Variants in SLC4A5 observed in about 807,000 individuals in gnomAD.
SLC4A5 encodes the protein solute carrier family 4 member 5, also known as electrogenic sodium bicarbonate cotransporter 4.
In SLC4A5, 96 loss-of-function variants were observed where a neutral mutation model predicts 120.4. The ratio of observed to expected loss-of-function variants is 0.80; its 90% CI spans 0.68 to 0.94. The LOEUF is 0.94. Ranked by LOEUF, SLC4A5 falls within the 40% of genes least tolerant of loss-of-function variation. The pLI, the probability that SLC4A5 is intolerant of heterozygous loss-of-function variation, is 0.00. For synonymous variants in SLC4A5, 550 were observed against 571.1 expected (o/e 0.96, Z 0.53); for missense variants, 1,259 against 1,459.5 (o/e 0.86, Z 2.24).
chr2:74,341,365 C>T (rs1673621160), intron 2 of SLC4A5, among the ~76,000 whole-genome samples: 1 of 151,340 alleles, frequency 6.6e-6, no homozygotes, highest in African/African-American at 2.4e-5. Flanking sequence ...AATCAAGCTG[C>T]TTTCTGATTT....
At chr2:74,232,861 G>C (rs1297528944) in intron 23 of SLC4A5, among the ~76,000 whole-genome samples, 1 of 152,192 alleles carries the variant, frequency 6.6e-6, no homozygotes, top group Non-Finnish European at 1.5e-5. Context: ...ATAGAAGAGA[G>C]GGATGTTCAA....
intron 8 of SLC4A5, among the ~76,000 whole-genome samples, chr2:74,273,709 A>G (rs1671545742): frequency 6.6e-6 from 1 of 152,254 alleles, no homozygotes; most frequent in African/African-American, 2.4e-5. Flanking sequence ...TCATATCAGG[A>G]TACTGAATTT....
At chr2:74,294,636 G>A (rs1385154083) in intron 7 of SLC4A5, among the ~76,000 whole-genome samples, 1 of 151,882 alleles carries the variant, frequency 6.6e-6, no homozygotes. Context: ...CAGTGGGGAC[G>A]GAGAAAGGAG....
chr2:74,235,088 G>C lies in SLC4A5; in HGVS notation c.2433+13C>G, dbSNP rs747731683. 5.6e-6 allele frequency: 9 copies of C among 1,607,522 alleles called. No homozygotes were observed. The highest frequency in any genetic ancestry group is 6.8e-6 in the Non-Finnish European group (8 of 1,174,284). ...GGCAGACTGGATGCCCAGAGCGAGG[G>C]AAAGGGGCAAACCTTGATGACACTG... On this transcript the variant is annotated intron_variant, in intron 22 of 30. Transcript: ENST00000394019.
chr2:74,277,815 T>C (rs1289564616), intron 8 of SLC4A5, among the ~76,000 whole-genome samples: 1 of 152,154 alleles, frequency 6.6e-6, no homozygotes, highest in Non-Finnish European at 1.5e-5. Flanking sequence ...TTAGGAAATA[T>C]AACGGCATTG....
chr2:74,304,542 G>C (rs756824701), exon 7 of SLC4A5: 1 of 1,614,110 alleles, frequency 6.2e-7, no homozygotes, highest in Admixed American at 1.7e-5. Flanking sequence ...CCCACTCCCT[G>C]GGCCAGTCAG....
At chr2:74,336,333 T>C (rs1673491446) in intron 3 of SLC4A5, among the ~76,000 whole-genome samples, 1 of 152,168 alleles carries the variant, frequency 6.6e-6, no homozygotes, top group South Asian at 2.1e-4. Context: ...CCTCCCAAAG[T>C]GCTGGGATTA....
chr2:74,289,008 T>TC (rs1672075278), intron 7 of SLC4A5, among the ~76,000 whole-genome samples: 1 of 152,216 alleles, frequency 6.6e-6, no homozygotes, highest in Non-Finnish European at 1.5e-5. Context: ...TCTCCTTTTT[T>TC]CCCCACCCAT....
chr2:74,282,022 T>C (rs960650512), intron 8 of SLC4A5, among the ~76,000 whole-genome samples: 4 of 152,220 alleles, frequency 2.6e-5, no homozygotes, highest in East Asian at 1.9e-4. Context: ...CTGAGATCTC[T>C]AGCTTCCCTG....
intron 20 of SLC4A5, among the ~76,000 whole-genome samples, chr2:74,241,466 C>A (rs1187126403): frequency 6.6e-6 from 1 of 151,716 alleles, no homozygotes; most frequent in Non-Finnish European, 1.5e-5. Flanking sequence ...GGGGGCCAGG[C>A]GCGGTGGCTC....
chr2:74,227,755 C>A (rs542342298), intron 26 of SLC4A5, 55 bp downstream of exon 26: 3 of 1,480,130 alleles, frequency 2.0e-6, no homozygotes, highest in East Asian at 4.8e-5. Flanking sequence ...TGACATGGAA[C>A]CAGACATGGA....
chr2:74,317,962 A>G (rs1475171420), intron 5 of SLC4A5, among the ~76,000 whole-genome samples: 1 of 152,252 alleles, frequency 6.6e-6, no homozygotes, highest in Non-Finnish European at 1.5e-5. Context: ...ACAAACAGGA[A>G]AAGAAAAAGT....
upstream of SLC4A5, chr2:74,343,412 C>T (rs887898810): frequency 2.6e-5 from 4 of 152,170 alleles, no homozygotes; most frequent in African/African-American, 9.7e-5. Flanking sequence ...TAGGGTGGAC[C>T]TTGCAGTTGG....
At chr2:74,252,464 T>G in intron 15 of SLC4A5, 76 bp from the exon 16 acceptor site, 2 of 1,533,322 alleles carry the variant, frequency 1.3e-6, no homozygotes, top group Non-Finnish European at 1.8e-6. Context: ...TTATGAAATA[T>G]CTTAAAAGAC....
chr2:74,239,337 T>G (rs1670363544), exon 21 of SLC4A5: 3 of 1,613,986 alleles, frequency 1.9e-6, no homozygotes, highest in Non-Finnish European at 2.5e-6. Context: ...GAGCTTACCT[T>G]GGTAGGAAAA....
intron 7 of SLC4A5, among the ~76,000 whole-genome samples, chr2:74,295,493 G>C (rs1249051106): frequency 1.3e-5 from 2 of 152,042 alleles, no homozygotes; most frequent in African/African-American, 4.8e-5. Flanking sequence ...AATTAGCCAG[G>C]TGTGGTGGCG....
chr2:74,318,407 T>C (rs1023073786), intron 5 of SLC4A5, among the ~76,000 whole-genome samples: 3 of 152,122 alleles, frequency 2.0e-5, no homozygotes, highest in African/African-American at 7.2e-5. Flanking sequence ...AGTCTAGGCC[T>C]GGCGAGGTGG....
intron 7 of SLC4A5, among the ~76,000 whole-genome samples, chr2:74,288,926 CCTT>C (rs1231835467): frequency 1.3e-5 from 2 of 152,180 alleles, no homozygotes; most frequent in South Asian, 2.1e-4. Context: ...TCCTGAAGCT[CCTT>C]CTTTTTCACA....
Position 74,222,963 on chromosome 2 carries a change from A to G in SLC4A5, c.3247-11T>C, listed in dbSNP as rs1273530508. On this transcript the variant is annotated splice_polypyrimidine_tract_variant and intron_variant, in intron 28 of 30. Transcript: ENST00000394019. Reference sequence around the variant, plus strand: ...AGGAGGGAACTGGGGCTGGAGAAAAACAGTGGGAAAAGAGGATAAACACCA... The same window carrying G: ...AGGAGGGAACTGGGGCTGGAGAAAAGCAGTGGGAAAAGAGGATAAACACCA... 6.3e-7 allele frequency: 1 copy of G among 1,587,516 alleles called. No individual in the cohort carries two copies. The highest frequency in any genetic ancestry group is 8.6e-7 in the Non-Finnish European group (1 of 1,166,142).
Sources: gnomAD v4.1 joint callset for allele counts (sites outside exome capture counted in the v4.1 genomes callset) on GRCh38, gnomAD v4.1.1 for gene constraint, MANE v1.5 for transcripts, NCBI Gene and HGNC (gene_info 2026-07-23, HGNC 2026-07-21) for gene names.